The following ATP4B variants were observed in gnomAD, a reference collection of about 807,000 sequenced individuals.
The protein encoded by ATP4B is ATPase H+/K+ transporting subunit beta, also known as potassium-transporting ATPase subunit beta.
A neutral mutation model predicts 35.3 loss-of-function variants in ATP4B; 27 were observed. That is an observed-to-expected ratio of 0.76 (90% CI 0.56 to 1.05). The LOEUF (loss-of-function observed/expected upper bound fraction) is 1.05, where lower values mean the gene tolerates loss of function less well. ATP4B is among the 50% of genes least tolerant of loss of function. ATP4B has a pLI of 0.00. For synonymous variants in ATP4B, 162 were observed against 156.0 expected, an observed-to-expected ratio of 1.04 and a Z score of -0.29; for missense variants, 375 against 384.8, an observed-to-expected ratio of 0.97 and a Z score of 0.21.
intron 1 of ATP4B, 91 bp downstream of exon 1, chr13:113,657,942 C>T (rs2049768279): frequency 1.9e-6 from 2 of 1,071,122 alleles, no homozygotes; most frequent in Middle Eastern, 3.0e-4. Context: ...TGTCAGGGGC[C>T]CTCTGCTCCC....
intron 1 of ATP4B, 90 bp from the exon 2 acceptor site, chr13:113,655,032 G>A (rs1012177812): frequency 2.0e-6 from 3 of 1,527,416 alleles, no homozygotes; most frequent in African/African-American, 1.4e-5. Flanking sequence ...GATGTGGCGT[G>A]ACCATCTTCC....
chr13:113,652,589 G>A, intron 4 of ATP4B: 1 of 489,874 alleles, frequency 2.0e-6, no homozygotes, highest in Admixed American at 3.1e-5. Context: ...ATCTCTGGCT[G>A]CCCTGAAGGG....
In ATP4B at chr13:113,649,254, C is replaced by T. The variant is rs1449227394; in HGVS notation, c.*120G>A. 3.3e-5 allele frequency: 42 copies of T among 1,272,740 alleles called. No individual in the cohort carries two copies. The highest frequency in any genetic ancestry group is 4.3e-5 in the Non-Finnish European group (40 of 935,470). 78.8% of individuals were successfully genotyped at this position (1,272,740 alleles called of 1,614,324 possible). Reference sequence around the variant, plus strand: ...TCTGGAGTTCGCACACTGACAACACCGTTGCTCCAAACCACTTTGGGGATG... The same window carrying T: ...TCTGGAGTTCGCACACTGACAACACTGTTGCTCCAAACCACTTTGGGGATG... On this transcript the variant is annotated 3_prime_UTR_variant, in exon 7 of 7. Coordinates refer to ENST00000335288, the MANE Select transcript of ATP4B (RefSeq NM_000705.4). The surrounding 1 kb of genome is among the most constrained non-coding windows in gnomAD (Gnocchi z 4.7).
chr13:113,656,435 G>T (rs1191369322), intron 1 of ATP4B, among the ~76,000 whole-genome samples: 1 of 152,170 alleles, frequency 6.6e-6, no homozygotes, highest in Non-Finnish European at 1.5e-5. Flanking sequence ...GCTCAGCCCT[G>T]CCTCCCGGGT....
rs370341602 is a variant in ATP4B, at chr13:113,654,399, C to G, written c.241+415G>C. Among the ~76,000 whole-genome samples the G allele has an allele frequency of 1.1e-4, 16 of 152,320 alleles. 1 individual carries two copies. The highest frequency in any genetic ancestry group is 3.9e-4 in the African/African-American group (16 of 41,558). ...GACCAGCGGGCTCTTTTCTGCTGGTCTCCCGGGTGTGCTCCTTGGAAACTG... is the reference window on the plus strand; with the variant it reads ...GACCAGCGGGCTCTTTTCTGCTGGTGTCCCGGGTGTGCTCCTTGGAAACTG... On this transcript the variant is annotated intron_variant, in intron 2 of 6. Coordinates refer to ENST00000335288, the MANE Select transcript of ATP4B (RefSeq NM_000705.4).
chr13:113,657,835 C>T (rs1024165214), intron 1 of ATP4B, among the ~76,000 whole-genome samples, 198 bp downstream of exon 1: 1 of 152,252 alleles, frequency 6.6e-6, no homozygotes, highest in African/African-American at 2.4e-5. Context: ...GTCAACTCAG[C>T]CTTCAGGATG....
At chr13:113,655,754 C>T (rs1349034539) in intron 1 of ATP4B, among the ~76,000 whole-genome samples, 1 of 152,198 alleles carries the variant, frequency 6.6e-6, no homozygotes, top group Non-Finnish European at 1.5e-5. Flanking sequence ...TGAACTGGGC[C>T]TCCTGCTCCT....
intron 2 of ATP4B, among the ~76,000 whole-genome samples, chr13:113,653,636 C>CGG (rs2049730962): frequency 6.6e-6 from 1 of 152,206 alleles, no homozygotes; most frequent in African/African-American, 2.4e-5. Flanking sequence ...GGAGTTGCCC[C>CGG]GGCCCTGGAA....
chr13:113,649,525 C>A lies in ATP4B; in HGVS notation c.725G>T (p.Ser242Ile). 6.5e-7 allele frequency: 1 copy of A among 1,529,464 alleles called. No individual in the cohort carries two copies. The highest frequency in any genetic ancestry group is 2.1e-5 in the Admixed American group (1 of 48,516). The allele number at this position is 1,529,464 out of a possible 1,614,324, so 94.7% of individuals were successfully genotyped here. The change falls in exon 7 of 7, where the codon AGC (serine) becomes ATC (isoleucine). Residue 242 changes from serine to isoleucine, a missense_variant. By Grantham distance (142) the Ser-to-Ile change is moderately radical. Coordinates refer to ENST00000335288, the MANE Select transcript of ATP4B (RefSeq NM_000705.4). The surrounding 1 kb of genome is among the most constrained non-coding windows in gnomAD (Gnocchi z 4.7). ...YYGKKAQPHY[S>I]NPLVAAKLLN... ...GAGCTTCGCTGCCACCAGGGGGTTG[C>A]TGTAGTGGGGCTGAAGTGGGAGTGA... is the stretch of plus-strand genomic sequence containing the variant.
chr13:113,652,601 G>A (rs1309152193), intron 4 of ATP4B: 11 of 517,728 alleles, frequency 2.1e-5, no homozygotes, highest in Non-Finnish European at 3.6e-5. Flanking sequence ...CCTGAAGGGG[G>A]CCCTGGCCTT....
chr13:113,651,418 C>T (rs1164941926), intron 5 of ATP4B, among the ~76,000 whole-genome samples: 1 of 152,228 alleles, frequency 6.6e-6, no homozygotes. Flanking sequence ...CGTTTTGAAG[C>T]GTGCTGCTGA....
chr13:113,656,242 C>T (rs111959960), intron 1 of ATP4B, among the ~76,000 whole-genome samples: 2 of 152,336 alleles, frequency 1.3e-5, no homozygotes, highest in African/African-American at 4.8e-5. Context: ...GATGTGGCTT[C>T]TATTTGACTT....
At chr13:113,654,701 C>T (rs1477270570) in intron 2 of ATP4B, 113 bp downstream of exon 2, 1 of 1,460,166 alleles carries the variant, frequency 6.8e-7, no homozygotes, top group Non-Finnish European at 9.1e-7. Flanking sequence ...GCCGGGCTGG[C>T]TTCCCTGGGC....
chr13:113,652,846 C>A (rs373566809), intron 4 of ATP4B, 27 bp downstream of exon 4: 2 of 1,609,680 alleles, frequency 1.2e-6, no homozygotes, highest in Non-Finnish European at 1.7e-6. Context: ...GTTGTAGTGG[C>A]GTGTGAAGGA....
Position 113,650,435 on chromosome 13 carries a change from AGTGCAGACTGAAG to A in ATP4B, c.672_684del (p.Phe225ThrfsTer42), listed in dbSNP as rs2049703227. 6.2e-7 allele frequency: 1 copy of A among 1,613,930 alleles called. No homozygotes were observed. The highest frequency in any genetic ancestry group is 1.3e-5 in the African/African-American group (1 of 74,930). ...GCTTTCTTCCCGTAATAAGGGAAGT[AGTGCAGACTGAAG>A]GTGCCGTTGGGAGGGTAGTACTTGA... On this transcript the variant is annotated frameshift_variant, in exon 6 of 7. Coordinates refer to ENST00000335288, the MANE Select transcript of ATP4B (RefSeq NM_000705.4). LOFTEE classifies it high-confidence loss of function. This position sits in a 1 kb window ranked among gnomAD's most constrained non-coding sequence, Gnocchi z 5.0.
rs767360697 is a variant in ATP4B at position 113,649,568 on chromosome 13, CAA to C, written c.715-35_715-34del. On this transcript the variant is annotated intron_variant, in intron 6 of 6. Transcript: ENST00000335288. This position sits in a 1 kb window ranked among gnomAD's most constrained non-coding sequence, Gnocchi z 4.7. ...GGGAGTGAGGAAAGGACAGGTGTTT[CAA>C]AAATCTCTGAAGTTAAGGAGAGAAA... is the stretch of plus-strand genomic sequence containing the variant. 2 of 1,456,174 alleles carry C rather than the reference CAA, an allele frequency of 1.4e-6. No homozygotes were observed. The highest frequency in any genetic ancestry group is 2.9e-5 in the African/African-American group (2 of 68,862). 90.2% of individuals were successfully genotyped at this position (1,456,174 alleles called of 1,614,324 possible).
Position 113,650,509 on chromosome 13 carries a change from T to G in ATP4B, c.613-2A>C. The stretch of plus-strand genomic sequence containing the variant: ...CTGGCCGAGCTCGCGGGGCTGGTCC[T>G]GGGGAGGAGAGGCCACTGCCTGAGT... On this transcript the variant is annotated splice_acceptor_variant, in intron 5 of 6. Coordinates refer to ENST00000335288, the MANE Select transcript of ATP4B (RefSeq NM_000705.4). LOFTEE classifies it high-confidence loss of function. The surrounding 1 kb of genome is among the most constrained non-coding windows in gnomAD (Gnocchi z 5.0). 1 of 1,609,442 alleles carries G rather than the reference T, an allele frequency of 6.2e-7. No homozygotes were observed. The highest frequency in any genetic ancestry group is 8.5e-7 in the Non-Finnish European group (1 of 1,177,756).
Position 113,654,885 on chromosome 13 carries a change from A to G in ATP4B, c.170T>C (p.Leu57Pro). 1.2e-6 allele frequency: 2 copies of G among 1,614,248 alleles called. No individual in the cohort carries two copies. Among genetic ancestry groups the G allele is most frequent in the East Asian group, 2.2e-5 (1 of 44,892 alleles). ...TGTCTGCATCAGCACATAGAGGCAC[A>G]GGGCGAAGAGCCCAGTCATCACCAC... Reference protein sequence around the residue: ...FYVVMTGLFALCLYVLMQTVD... With the variant: ...FYVVMTGLFAPCLYVLMQTVD... Residue 57 changes from leucine to proline, a missense_variant, in exon 2 of 7, where the codon CTG becomes CCG. Transcript: ENST00000335288.
At position 113,654,944 on chromosome 13, in the gene ATP4B, T is replaced by C. The variant is rs751216399; in HGVS notation, c.113-2A>G. On this transcript the variant is annotated splice_acceptor_variant, in intron 1 of 6. Coordinates refer to ENST00000335288, the MANE Select transcript of ATP4B (RefSeq NM_000705.4). LOFTEE classifies it high-confidence loss of function. Reference sequence around the variant, plus strand: ...CCACGTAGTACAGGCTGATCCACACTGCGACACAAGGCAGGCACAAAATTT... The same window carrying C: ...CCACGTAGTACAGGCTGATCCACACCGCGACACAAGGCAGGCACAAAATTT... 10 of 1,613,676 alleles carry C rather than the reference T, an allele frequency of 6.2e-6. No individual in the cohort carries two copies. The highest frequency in any genetic ancestry group is 8.5e-6 in the Non-Finnish European group (10 of 1,179,884).
Sources: gnomAD v4.1 joint callset for allele counts (sites outside exome capture counted in the v4.1 genomes callset) on GRCh38, gnomAD v4.1.1 for gene constraint, Gnocchi (gnomAD v3.1) non-coding constraint, MANE v1.5 for transcripts, NCBI Gene and HGNC (gene_info 2026-07-23, HGNC 2026-07-21) for gene names.